RAI14: variants seen among roughly 807,000 people sequenced by gnomAD.
RAI14 encodes ankycorbin.
A neutral mutation model predicts 115.4 loss-of-function variants in RAI14; 45 were observed. The ratio of observed to expected loss-of-function variants is 0.39; its 90% CI spans 0.31 to 0.50. RAI14 has a LOEUF of 0.50. RAI14 is among the 20% of genes least tolerant of loss of function. The pLI is 0.85. For synonymous variants in RAI14, 371 were observed against 415.4 expected, an observed-to-expected ratio of 0.89 and a Z score of 1.30; for missense variants, 939 against 1,131.2, an observed-to-expected ratio of 0.83 and a Z score of 2.44.
rs1401812633 is a variant in RAI14 at position 34,752,747 on chromosome 5, G to GTATATATATATATA, written c.37-4720_37-4719insATATATATATATAT. On this transcript the variant is annotated intron_variant, in intron 2 of 17. Transcript: ENST00000265109. ...TGTGTGTGTGTGTGTGTGTGTGTGTGTGTATATATATATATATATGTATCT... is the reference window on the plus strand; with the variant it reads ...TGTGTGTGTGTGTGTGTGTGTGTGTGTATATATATATATATGTATATATATATATATATGTATCT... 3.2e-4 allele frequency among the ~76,000 whole-genome samples: 35 copies of GTATATATATATATA among 109,562 alleles called. 3 individuals are homozygous for GTATATATATATATA. Among genetic ancestry groups the GTATATATATATATA allele is most frequent in the African/African-American group, 1.3e-3 (34 of 26,242 alleles). The allele number at this position is 109,562 out of a possible 152,430, so 71.9% of individuals were successfully genotyped here.
intron 1 of RAI14, among the ~76,000 whole-genome samples, chr5:34,666,833 TC>T (rs1314804754): frequency 6.6e-6 from 1 of 152,206 alleles, no homozygotes; most frequent in Non-Finnish European, 1.5e-5. Flanking sequence ...TTGTCAGGTT[TC>T]CCATTACCAG....
chr5:34,814,398 T>G (rs945715548), intron 11 of RAI14, among the ~76,000 whole-genome samples, 185 bp from the exon 12 acceptor site: 10 of 152,234 alleles, frequency 6.6e-5, no homozygotes, highest in African/African-American at 2.2e-4. Flanking sequence ...TTCTGTAAAC[T>G]TTCAGAAAGT....
rs1752908056 is a variant in RAI14, at chr5:34,791,436, A to G, written c.168-4503A>G. On this transcript the variant is annotated intron_variant, in intron 3 of 17. Transcript: ENST00000265109. The surrounding 1 kb of genome is among the most constrained non-coding windows in gnomAD (Gnocchi z 5.4). ...AAAAAGTTATATGGTATATTCTCCC[A>G]TTACATTTTAGCCACAATGCCCGTA... Among the ~76,000 whole-genome samples, 1 of 152,058 alleles carries G rather than the reference A, an allele frequency of 6.6e-6. No homozygotes were observed. Among genetic ancestry groups the G allele is most frequent in the Admixed American group, 6.6e-5 (1 of 15,256 alleles).
chr5:34,663,705 G>A (rs763931439), intron 1 of RAI14, among the ~76,000 whole-genome samples: 1 of 152,168 alleles, frequency 6.6e-6, no homozygotes, highest in Non-Finnish European at 1.5e-5. Context: ...CTGCCTCAGA[G>A]GTCATTAAGC....
At chr5:34,710,464 T>C (rs1741261401) in intron 2 of RAI14, among the ~76,000 whole-genome samples, 1 of 152,172 alleles carries the variant, frequency 6.6e-6, no homozygotes, top group Admixed American at 6.5e-5. Flanking sequence ...ATTACCTCAG[T>C]ATGTGAAAGA....
chr5:34,743,168 C>A (rs983056537), intron 2 of RAI14, among the ~76,000 whole-genome samples: 4 of 152,180 alleles, frequency 2.6e-5, no homozygotes, highest in Admixed American at 2.6e-4. Context: ...TAGCAGATTA[C>A]CACCAGCTGT....
At chr5:34,700,103 G>A (rs1055193799) in intron 2 of RAI14, among the ~76,000 whole-genome samples, 1 of 152,158 alleles carries the variant, frequency 6.6e-6, no homozygotes, top group East Asian at 1.9e-4. Flanking sequence ...TGAGACTTCA[G>A]GTAGGTATGT....
intron 4 of RAI14, among the ~76,000 whole-genome samples, chr5:34,798,966 C>T (rs190969985): frequency 6.9e-4 from 105 of 152,350 alleles, no homozygotes; most frequent in Middle Eastern, 6.8e-3. Flanking sequence ...CAGCACTTCC[C>T]TCCTTGGGCT....
At chr5:34,725,106 T>C (rs1743283426) in intron 2 of RAI14, among the ~76,000 whole-genome samples, 1 of 152,142 alleles carries the variant, frequency 6.6e-6, no homozygotes, top group Non-Finnish European at 1.5e-5. Flanking sequence ...TATTCTTAGA[T>C]AGAACTAATT....
chr5:34,659,730 G>A (rs1181809690), intron 1 of RAI14, among the ~76,000 whole-genome samples: 1 of 152,126 alleles, frequency 6.6e-6, no homozygotes. Flanking sequence ...TGAAGTTTAG[G>A]TAATATTGCA....
intron 13 of RAI14, 106 bp from the exon 14 acceptor site, chr5:34,821,626 A>C (rs1352740159): frequency 5.8e-6 from 4 of 685,632 alleles, no homozygotes; most frequent in Non-Finnish European, 1.0e-5. Flanking sequence ...TTTTATAATT[A>C]GGGCCAGGAA....
chr5:34,821,604 G>C, intron 13 of RAI14, 128 bp from the exon 14 acceptor site: 2 of 618,126 alleles, frequency 3.2e-6, no homozygotes, highest in Non-Finnish European at 5.7e-6. Flanking sequence ...CACCCATCCA[G>C]CTGCTAGGGC....
chr5:34,751,746 A>C (rs932724036), intron 2 of RAI14, among the ~76,000 whole-genome samples: 1 of 152,212 alleles, frequency 6.6e-6, no homozygotes, highest in Non-Finnish European at 1.5e-5. Context: ...ATTCTAATGC[A>C]TGTCTTATAC....
At chr5:34,666,340 T>C (rs533830083) in intron 1 of RAI14, among the ~76,000 whole-genome samples, 10 of 151,906 alleles carry the variant, frequency 6.6e-5, no homozygotes, top group South Asian at 2.1e-4. Context: ...CCCAGGCACC[T>C]CCTGACAGTA....
At chr5:34,662,493 A>AT (rs1026341920) in intron 1 of RAI14, among the ~76,000 whole-genome samples, 1 of 151,962 alleles carries the variant, frequency 6.6e-6, no homozygotes. Flanking sequence ...AGGAGTCTAG[A>AT]TTTTTTTTCC....
chr5:34,807,394 G>A (rs1237730598), intron 5 of RAI14, among the ~76,000 whole-genome samples: 1 of 152,160 alleles, frequency 6.6e-6, no homozygotes, highest in Non-Finnish European at 1.5e-5. Context: ...CAACTGCAGT[G>A]GTTTTGGGAG....
At chr5:34,781,592 T>C (rs1751652773) in intron 3 of RAI14, among the ~76,000 whole-genome samples, 1 of 152,200 alleles carries the variant, frequency 6.6e-6, no homozygotes, top group Non-Finnish European at 1.5e-5. Flanking sequence ...CAGAAGATAA[T>C]AAGGCTTGGC....
At chr5:34,774,302 C>T (rs1750564956) in intron 3 of RAI14, among the ~76,000 whole-genome samples, 1 of 151,984 alleles carries the variant, frequency 6.6e-6, no homozygotes, top group Non-Finnish European at 1.5e-5. Flanking sequence ...ACCCGAGAGG[C>T]AGAGGTTGCA....
intron 2 of RAI14, among the ~76,000 whole-genome samples, chr5:34,711,729 G>A (rs558903750): frequency 1.3e-5 from 2 of 152,270 alleles, no homozygotes; most frequent in South Asian, 2.1e-4. Context: ...ACCAGACACC[G>A]ACTCTGACGT....
Sources: gnomAD v4.1 joint callset for allele counts (sites outside exome capture counted in the v4.1 genomes callset) on GRCh38, gnomAD v4.1.1 for gene constraint, Gnocchi (gnomAD v3.1) non-coding constraint, MANE v1.5 for transcripts, NCBI Gene and HGNC (gene_info 2026-07-23, HGNC 2026-07-21) for gene names.